The following GLYR1 variants were observed in gnomAD, a reference collection of about 807,000 sequenced individuals.
GLYR1 encodes cytokine-like nuclear factor N-PAC.
In GLYR1, 21 loss-of-function variants were observed where a neutral mutation model predicts 72.7. The observed-to-expected ratio is 0.29, with a 90% confidence interval of 0.20 to 0.42. The LOEUF (loss-of-function observed/expected upper bound fraction) is 0.42, where lower values mean the gene tolerates loss of function less well. Among genes scored for constraint, GLYR1 ranks in the 10% least tolerant of loss-of-function variants. The probability of loss-of-function intolerance (pLI) is 1.00; values close to 1 mark genes in which losing one functional copy is unlikely to be tolerated. For missense variants in GLYR1, 594 were observed against 712.1 expected, an observed-to-expected ratio of 0.83 and a Z score of 1.89; for synonymous variants, 392 against 270.2, an observed-to-expected ratio of 1.45 and a Z score of -4.42.
At chr16:4,828,475 TGC>T (rs1444891586) in intron 5 of GLYR1, among the ~76,000 whole-genome samples, 5 of 152,112 alleles carry the variant, frequency 3.3e-5, no homozygotes, top group African/African-American at 1.2e-4. Context: ...TTGTGTGACC[TGC>T]AATGATCTGG....
At chr16:4,816,864 G>A (rs1230926021) in intron 10 of GLYR1, among the ~76,000 whole-genome samples, 1 of 151,646 alleles carries the variant, frequency 6.6e-6, no homozygotes, top group Non-Finnish European at 1.5e-5. Context: ...GCGCGCGCCT[G>A]TAATCCCAGC....
At chr16:4,840,020 G>C (rs1371382936) in intron 3 of GLYR1, 2 of 152,166 alleles carry the variant, frequency 1.3e-5, no homozygotes, top group Non-Finnish European at 2.9e-5. Flanking sequence ...CCCCCTCCCT[G>C]ATGTCAAGTG....
chr16:4,822,081 T>G (rs2084067833), intron 7 of GLYR1, among the ~76,000 whole-genome samples: 1 of 152,262 alleles, frequency 6.6e-6, no homozygotes, highest in Admixed American at 6.5e-5. Context: ...ACTACACAGC[T>G]GGCTGAGTTT....
chr16:4,833,815 G>A (rs2084948838), intron 3 of GLYR1, among the ~76,000 whole-genome samples: 1 of 152,200 alleles, frequency 6.6e-6, no homozygotes. Flanking sequence ...CAAATCTGCT[G>A]CAGCTGGCTT....
chr16:4,838,161 G>GA (rs1475474407), intron 3 of GLYR1, among the ~76,000 whole-genome samples: 2 of 152,028 alleles, frequency 1.3e-5, no homozygotes, highest in African/African-American at 4.8e-5. Flanking sequence ...AAAGGCACCA[G>GA]AAAAAAACAC....
chr16:4,824,030 T>C (rs1048783521), intron 5 of GLYR1, 123 bp from the exon 6 acceptor site: 12 of 673,028 alleles, frequency 1.8e-5, no homozygotes, highest in African/African-American at 1.3e-4. Flanking sequence ...TGACCGTCCC[T>C]CGGGAGAAAC....
intron 2 of GLYR1, 139 bp downstream of exon 2, chr16:4,846,035 C>T: frequency 1.2e-6 from 1 of 850,208 alleles, no homozygotes; most frequent in East Asian, 2.5e-5. Flanking sequence ...ATAACCGATA[C>T]TAGGGGAAAA....
At chr16:4,829,143 C>G (rs1485646754) in intron 5 of GLYR1, among the ~76,000 whole-genome samples, 2 of 152,040 alleles carry the variant, frequency 1.3e-5, no homozygotes, top group Admixed American at 6.6e-5. Context: ...CACCCTTGCT[C>G]TCACCACTCC....
intron 3 of GLYR1, among the ~76,000 whole-genome samples, chr16:4,838,662 C>CGTA (rs1200783901): frequency 6.6e-6 from 1 of 151,900 alleles, no homozygotes; most frequent in Non-Finnish European, 1.5e-5. Context: ...TCTCGACTTA[C>CGTA]GGCAAGCTCT....
rs576571336 is a variant in GLYR1 at position 4,831,729 on chromosome 16, G to A, written c.537+250C>T. On this transcript the variant is annotated intron_variant, in intron 5 of 15. Transcript: ENST00000321919. ...ACTCCATCACCCAGGCTAGAATGCA[G>A]TGGTGCAATCGGCTCAATGCAACTT... Among the ~76,000 whole-genome samples the A allele has an allele frequency of 3.3e-5, 5 of 152,306 alleles. No homozygotes were observed. The East Asian group carries it at 9.7e-4, about 29-fold the overall frequency.
At chr16:4,844,676 G>A (rs991479437) in intron 3 of GLYR1, among the ~76,000 whole-genome samples, 12 of 152,186 alleles carry the variant, frequency 7.9e-5, no homozygotes, top group African/African-American at 2.2e-4. Context: ...TGAGAGAACC[G>A]CTTGAGTCAG....
chr16:4,846,429 G>C (rs2086069942), intron 1 of GLYR1, among the ~76,000 whole-genome samples: 1 of 152,216 alleles, frequency 6.6e-6, no homozygotes, highest in Non-Finnish European at 1.5e-5. Context: ...AAGGAATACA[G>C]AACAACACAA....
At position 4,821,577 on chromosome 16, in the gene GLYR1, T is replaced by G; in HGVS notation, c.702A>C (p.Ala234=). ...QTEKPAVCYQ[A]ITKKLKICEE... ...CACATATTTTCAACTTCTTCGTGAT[T>G]GCCTGGTAACAGACAGCTGGCTAAT... Residue 234 remains alanine (A), a synonymous_variant, in exon 8 of 16, where the codon GCA becomes GCC. Coordinates refer to ENST00000321919, the MANE Select transcript of GLYR1 (RefSeq NM_032569.4). 1 of 1,614,076 alleles carries G rather than the reference T, an allele frequency of 6.2e-7. No homozygotes were observed. The highest frequency in any genetic ancestry group is 8.5e-7 in the Non-Finnish European group (1 of 1,180,044).
At chr16:4,824,209 C>G (rs572513193) in intron 5 of GLYR1, among the ~76,000 whole-genome samples, 1 of 152,166 alleles carries the variant, frequency 6.6e-6, no homozygotes, top group South Asian at 2.1e-4. Flanking sequence ...TGGTGAATAC[C>G]AAACATTAAG....
At position 4,804,970 on chromosome 16, in the gene GLYR1, T is replaced by TGA. The variant is rs1031813585; in HGVS notation, c.*264_*265dup. Reference sequence around the variant, plus strand: ...GTGTGTGTGTGTGTGTGTGTGTGTGTGAACACACAGCCACCTCGTCCGGGG... The same window carrying TGA: ...GTGTGTGTGTGTGTGTGTGTGTGTGTGAGAACACACAGCCACCTCGTCCGGGG... On this transcript the variant is annotated 3_prime_UTR_variant, in exon 16 of 16. Transcript: ENST00000321919. 8 of 526,304 alleles carry TGA rather than the reference T, an allele frequency of 1.5e-5. No homozygotes were observed. Among genetic ancestry groups the TGA allele is most frequent in the African/African-American group, 2.0e-5 (1 of 51,158 alleles). 32.6% of individuals were successfully genotyped at this position (526,304 alleles called of 1,614,324 possible).
At chr16:4,811,422 T>C (rs2083316669) in intron 14 of GLYR1, 128 bp from the exon 15 acceptor site, 9 of 1,363,014 alleles carry the variant, frequency 6.6e-6, no homozygotes, top group Middle Eastern at 2.1e-4. Context: ...GCCTCTTGGC[T>C]CCTCACTCAC....
At chr16:4,817,944 A>T (rs1436679299) in intron 9 of GLYR1, 6 of 475,712 alleles carry the variant, frequency 1.3e-5, no homozygotes, top group Admixed American at 3.5e-5. Context: ...TGTCACAGAA[A>T]AAAGTATGAT....
At chr16:4,817,570 C>G in intron 10 of GLYR1, 28 bp downstream of exon 10, 4 of 1,417,722 alleles carry the variant, frequency 2.8e-6, no homozygotes, top group Non-Finnish European at 4.0e-6. Context: ...CTCCACCGAT[C>G]CAACAGGCAC....
intron 7 of GLYR1, among the ~76,000 whole-genome samples, chr16:4,822,113 G>C (rs2084071170): frequency 9.5e-6 from 1 of 104,986 alleles, no homozygotes; most frequent in South Asian, 3.4e-4. Flanking sequence ...CTGAGATAGA[G>C]TCTCGCTCTG....
Sources: allele counts gnomAD v4.1 joint callset (sites outside exome capture counted in the v4.1 genomes callset), GRCh38; gene constraint gnomAD v4.1.1; transcripts MANE v1.5; gene names NCBI Gene and HGNC (gene_info 2026-07-23, HGNC 2026-07-21).